The following ZNF609 variants were observed in gnomAD, a reference collection of about 807,000 sequenced individuals.
ZNF609 encodes zinc finger protein 609.
In ZNF609, 11 loss-of-function variants were observed where a neutral mutation model predicts 109.5. That is an observed-to-expected ratio of 0.10 (90% CI 0.06 to 0.17). The LOEUF is 0.17. Ranked by LOEUF, ZNF609 falls within the 10% of genes least tolerant of loss-of-function variation. The pLI, the probability that ZNF609 is intolerant of heterozygous loss-of-function variation, is 1.00. For missense variants in ZNF609, 1,559 were observed against 1,772.4 expected (o/e 0.88, Z 2.16); for synonymous variants, 646 against 662.0 (o/e 0.98, Z 0.37).
chr15:64,589,376 T>TCAGCAG (rs112200625), intron 2 of ZNF609, among the ~76,000 whole-genome samples: 13 of 151,978 alleles, frequency 8.6e-5, no homozygotes, highest in Non-Finnish European at 2.9e-5. Flanking sequence ...AACAGAAACT[T>TCAGCAG]CAGCAGCAGC....
In ZNF609 at chr15:64,678,538, G is replaced by A. The variant is rs1381040682; in HGVS notation, c.3769+56G>A. The stretch of plus-strand genomic sequence containing the variant: ...TCACTGGAAGGGGGAATGAAGCACA[G>A]ATTTCACATCCAGAGTTTTCTTGCT... On this transcript the variant is annotated intron_variant, in intron 6 of 9. Coordinates refer to ENST00000326648, the MANE Select transcript of ZNF609 (RefSeq NM_015042.2). 4 of 1,516,462 alleles carry A rather than the reference G, an allele frequency of 2.6e-6. No homozygotes were observed. The East Asian group carries it at 9.1e-5, about 35-fold the overall frequency. 93.9% of individuals were successfully genotyped at this position (1,516,462 alleles called of 1,614,324 possible).
intron 2 of ZNF609, among the ~76,000 whole-genome samples, chr15:64,592,725 T>C (rs1895321685): frequency 6.8e-6 from 1 of 147,752 alleles, no homozygotes; most frequent in South Asian, 2.1e-4. Flanking sequence ...AAGACCAGAC[T>C]GGCCAACATG....
At chr15:64,535,997 T>G (rs1320818942) in intron 2 of ZNF609, among the ~76,000 whole-genome samples, 1 of 152,144 alleles carries the variant, frequency 6.6e-6, no homozygotes, top group Non-Finnish European at 1.5e-5. Flanking sequence ...TTTTTTTCTT[T>G]GGCCACTGGA....
intron 2 of ZNF609, among the ~76,000 whole-genome samples, chr15:64,594,266 G>C (rs1168798798): frequency 1.3e-5 from 2 of 151,864 alleles, no homozygotes; most frequent in African/African-American, 4.8e-5. Context: ...ACTATGTTTT[G>C]TTTTGTTTTT....
At chr15:64,598,823 A>C (rs2140945655) in intron 2 of ZNF609, among the ~76,000 whole-genome samples, 1 of 137,496 alleles carries the variant, frequency 7.3e-6, no homozygotes, top group Middle Eastern at 4.1e-3. Context: ...TAGAAATTGA[A>C]TTTTGGGACA....
intron 2 of ZNF609, among the ~76,000 whole-genome samples, chr15:64,559,211 T>G (rs1405083244): frequency 1.3e-5 from 2 of 152,220 alleles, no homozygotes; most frequent in African/African-American, 4.8e-5. Context: ...CTGCCTTAAT[T>G]GCAACTTCTA....
chr15:64,474,548 A>G (rs751513373), intron 1 of ZNF609, among the ~76,000 whole-genome samples: 1 of 152,026 alleles, frequency 6.6e-6, no homozygotes, highest in Non-Finnish European at 1.5e-5. Flanking sequence ...TCTTCTATAT[A>G]TTATTGCAAT....
intron 1 of ZNF609, among the ~76,000 whole-genome samples, chr15:64,482,680 C>T (rs964752941): frequency 3.9e-5 from 6 of 152,076 alleles, no homozygotes; most frequent in African/African-American, 1.2e-4. Context: ...AATTTGTTGG[C>T]GTCAAGGCAA....
chr15:64,500,116 G>A lies in ZNF609; in HGVS notation c.697G>A (p.Glu233Lys), dbSNP rs1427955953. 2.5e-6 allele frequency: 4 copies of A among 1,613,884 alleles called. No homozygotes were observed. In the African/African-American group the frequency reaches 5.3e-5, roughly 22 times the overall value. The part of the protein sequence containing the change: ...LNPLGTKPEP[E>K]EGENECRLLK... ...TCCTTTGGGAACTAAACCGGAGCCA[G>A]AGGAAGGGGAGAATGAGTGTCGCCT... is the stretch of plus-strand genomic sequence containing the variant. Residue 233 changes from glutamate (E) to lysine (K), a missense_variant, in exon 2 of 10, where the codon GAG (glutamate) becomes AAG (lysine). Physicochemically the swap from Glu to Lys is moderately conservative, Grantham distance 56. Coordinates refer to ENST00000326648, the MANE Select transcript of ZNF609 (RefSeq NM_015042.2).
intron 2 of ZNF609, among the ~76,000 whole-genome samples, chr15:64,618,933 G>A (rs760305483): frequency 4.2e-4 from 64 of 152,222 alleles, no homozygotes; most frequent in Admixed American, 7.9e-4. Flanking sequence ...ACATTTGGGC[G>A]GGAAAACAAA....
At chr15:64,681,007 G>A in intron 8 of ZNF609, 145 bp downstream of exon 8, 3 of 891,562 alleles carry the variant, frequency 3.4e-6, no homozygotes, top group Non-Finnish European at 5.0e-6. Context: ...CTTCTAATCT[G>A]TGCACAGTCC....
At chr15:64,523,090 A>C (rs900978299) in intron 2 of ZNF609, among the ~76,000 whole-genome samples, 4 of 152,200 alleles carry the variant, frequency 2.6e-5, no homozygotes, top group African/African-American at 9.7e-5. Context: ...ATTGTCTAAG[A>C]GTACTCTTTG....
intron 2 of ZNF609, among the ~76,000 whole-genome samples, chr15:64,582,710 TTC>T: frequency 9.5e-6 from 1 of 105,006 alleles, no homozygotes; most frequent in South Asian, 2.9e-4. Context: ...CTTTCTTTCT[TTC>T]TTTCTTTTTT....
At chr15:64,680,981 A>C (rs1036277938) in intron 8 of ZNF609, 119 bp downstream of exon 8, 20 of 932,772 alleles carry the variant, frequency 2.1e-5, no homozygotes, top group Middle Eastern at 3.3e-4. Flanking sequence ...TCCTTTTTTA[A>C]TTTTTTTTTT....
rs201648232 is a variant in ZNF609, at chr15:64,678,415, T to G, written c.3702T>G (p.Ser1234Arg). Residue 1234 changes from serine (S) to arginine (R), a missense_variant, in exon 6 of 10, where the codon AGT becomes AGG. Physicochemically the swap from Ser to Arg is moderately radical, Grantham distance 110. Around this residue, in one of 4 missense-constraint regions of ZNF609, gnomAD observed 1,204 missense variants for 1,314.1 expected, o/e 0.92. Coordinates refer to ENST00000326648, the MANE Select transcript of ZNF609 (RefSeq NM_015042.2). ...YIPYMHGYSY[S>R]QSYDPNHPSY... ...CCTACATGCACGGCTATTCCTACAG[T>G]CAGTCCTACGACCCCAACCACCCCA... 1 of 1,612,474 alleles carries G rather than the reference T, an allele frequency of 6.2e-7. No individual in the cohort carries two copies. Among genetic ancestry groups the G allele is most frequent in the Non-Finnish European group, 8.5e-7 (1 of 1,179,080 alleles).
intron 2 of ZNF609, among the ~76,000 whole-genome samples, chr15:64,582,583 T>C (rs1895122747): frequency 6.6e-6 from 1 of 152,164 alleles, no homozygotes; most frequent in South Asian, 2.1e-4. Flanking sequence ...ACTTTTTGCT[T>C]ACTTCATGCC....
At chr15:64,504,582 G>A (rs1893605829) in intron 2 of ZNF609, among the ~76,000 whole-genome samples, 2 of 151,634 alleles carry the variant, frequency 1.3e-5, no homozygotes, top group Admixed American at 6.6e-5. Flanking sequence ...CGATTCTCCT[G>A]CCTTAGCTCC....
intron 3 of ZNF609, among the ~76,000 whole-genome samples, chr15:64,659,202 G>T (rs1038543967): frequency 1.3e-5 from 2 of 152,104 alleles, no homozygotes; most frequent in East Asian, 1.9e-4. Flanking sequence ...TATAAAACGC[G>T]TTTTTAGTTT....
intron 3 of ZNF609, among the ~76,000 whole-genome samples, chr15:64,650,119 A>AG (rs1431305465): frequency 1.3e-5 from 2 of 151,548 alleles, no homozygotes; most frequent in Non-Finnish European, 1.5e-5. Context: ...ATCTCAAAAA[A>AG]AAAAAAAAAA....
Sources: allele counts gnomAD v4.1 joint callset (sites outside exome capture counted in the v4.1 genomes callset), GRCh38; gene constraint gnomAD v4.1.1; regional missense constraint gnomAD v4.1.1; transcripts MANE v1.5; gene names NCBI Gene and HGNC (gene_info 2026-07-23, HGNC 2026-07-21).